LTBP1: variants seen among roughly 807,000 people sequenced by gnomAD.
The protein encoded by LTBP1 is latent transforming growth factor beta binding protein 1.
In LTBP1, 129 loss-of-function variants were observed where a neutral mutation model predicts 207.6. The ratio of observed to expected loss-of-function variants is 0.62; its 90% CI spans 0.54 to 0.72. The LOEUF (loss-of-function observed/expected upper bound fraction) is 0.72. LTBP1 is among the 30% of genes least tolerant of loss of function. The pLI, the probability that LTBP1 is intolerant of heterozygous loss-of-function variation, is 0.00. For synonymous variants in LTBP1, 963 were observed against 833.7 expected (o/e 1.16, Z -2.67); for missense variants, 2,281 against 2,217.2 (o/e 1.03, Z -0.58).
chr2:33,093,742 G>A (rs923828243), intron 3 of LTBP1, among the ~76,000 whole-genome samples: 3 of 151,988 alleles, frequency 2.0e-5, no homozygotes, highest in Non-Finnish European at 2.9e-5. Context: ...TGAAGCTACA[G>A]TTATCAGAAG....
At chr2:32,958,407 C>A (rs887515552) in intron 2 of LTBP1, among the ~76,000 whole-genome samples, 1 of 152,172 alleles carries the variant, frequency 6.6e-6, no homozygotes, top group African/African-American at 2.4e-5. Flanking sequence ...CTTCTAAGAT[C>A]CTTGGGGGCT....
In LTBP1 at chr2:33,134,835, G is replaced by A. The variant is rs1380593143; in HGVS notation, c.1076G>A (p.Ser359Asn). The change falls in exon 5 of 34, where the codon AGC becomes AAC. Residue 359 changes from serine to asparagine, a missense_variant. Physicochemically the swap from Ser to Asn is conservative, Grantham distance 46 (BLOSUM62 1). This residue lies in a region of LTBP1 where 55 missense variants were observed against 91.5 expected (regional missense o/e 0.60). Coordinates refer to ENST00000404816, the MANE Select transcript of LTBP1 (RefSeq NM_206943.4). This position sits in a 1 kb window ranked among gnomAD's most constrained non-coding sequence, Gnocchi z 4.4. ...CGCATCAAGGTGGTCTTTACTCCGA[G>A]CATCTGTAAAGTGACCTGCACCAAG... ...TGRIKVVFTPSICKVTCTKGS... is the reference protein window; with the variant it reads ...TGRIKVVFTPNICKVTCTKGS... The A allele has an allele frequency of 4.3e-6, 7 of 1,614,026 alleles. No individual in the cohort carries two copies. Among genetic ancestry groups the A allele is most frequent in the Non-Finnish European group, 5.1e-6 (6 of 1,180,044 alleles).
intron 3 of LTBP1, among the ~76,000 whole-genome samples, chr2:33,054,133 C>G (rs919119285): frequency 6.6e-6 from 1 of 152,112 alleles, no homozygotes; most frequent in Non-Finnish European, 1.5e-5. Context: ...TTTGAGAGAC[C>G]AGGGTATAGG....
rs560938546 is a variant in LTBP1 at position 33,277,807 on chromosome 2, T to C, written c.2992+1884T>C. Among the ~76,000 whole-genome samples, 248 of 108,416 alleles carry C rather than the reference T, an allele frequency of 2.3e-3. 2 individuals are homozygous for C. The highest frequency in any genetic ancestry group is 3.2e-3 in the Admixed American group (33 of 10,184). 71.1% of individuals were successfully genotyped at this position (108,416 alleles called of 152,430 possible). A position where few individuals can be genotyped will look rare whatever the true frequency, so the allele number is the denominator to read the frequency against. On this transcript the variant is annotated intron_variant, in intron 18 of 33. Coordinates refer to ENST00000404816, the MANE Select transcript of LTBP1 (RefSeq NM_206943.4). ...TTTCTTTCTTTCTTTCTCTCTCTCT[T>C]TCTTTTTTTCTTTCTTTCTTTCTTT... is the stretch of plus-strand genomic sequence containing the variant.
intron 18 of LTBP1, among the ~76,000 whole-genome samples, chr2:33,278,874 A>G (rs2093500645): frequency 6.6e-6 from 1 of 152,240 alleles, no homozygotes; most frequent in Admixed American, 6.5e-5. Context: ...ACTGATAGAA[A>G]AAAAATTACA....
chr2:33,208,117 T>C (rs114661058), intron 7 of LTBP1, among the ~76,000 whole-genome samples: 105 of 152,364 alleles, frequency 6.9e-4, no homozygotes, highest in Non-Finnish European at 1.3e-3. Context: ...GTATTGATGG[T>C]GTAGCTTTTG....
At chr2:33,250,865 G>C (rs561060002) in intron 10 of LTBP1, among the ~76,000 whole-genome samples, 2 of 152,168 alleles carry the variant, frequency 1.3e-5, no homozygotes, top group Non-Finnish European at 2.9e-5. Context: ...CCACCTGTGG[G>C]CCTGGGGACT....
Position 33,268,756 on chromosome 2 carries a change from G to A in LTBP1, c.2618-4900G>A, listed in dbSNP as rs113954757. Among the ~76,000 whole-genome samples the A allele has an allele frequency of 1.4e-3, 206 of 152,294 alleles. 1 individual carries two copies. Among genetic ancestry groups the A allele is most frequent in the African/African-American group, 4.7e-3 (194 of 41,568 alleles). ...TGGGACAATCTATGCTCACTGTGGG[G>A]CAGTTAGGAAGCCAGGGCATTTTTG... On this transcript the variant is annotated intron_variant, in intron 15 of 33. Transcript: ENST00000404816.
At chr2:33,235,697 T>G (rs944099329) in intron 9 of LTBP1, among the ~76,000 whole-genome samples, 3 of 152,158 alleles carry the variant, frequency 2.0e-5, no homozygotes, top group Non-Finnish European at 4.4e-5. Context: ...ATGTGGCACA[T>G]ATACACCATG....
chr2:32,994,458 T>C (rs1418366792), intron 2 of LTBP1, among the ~76,000 whole-genome samples: 2 of 151,856 alleles, frequency 1.3e-5, no homozygotes, highest in Admixed American at 6.6e-5. Context: ...GCTTATCTAA[T>C]ATTAGTGAGT....
chr2:33,009,906 G>C (rs1687433371), intron 2 of LTBP1, among the ~76,000 whole-genome samples: 1 of 152,180 alleles, frequency 6.6e-6, no homozygotes, highest in Non-Finnish European at 1.5e-5. Context: ...TGGAAATCTG[G>C]AGTTCCAATA....
intron 3 of LTBP1, among the ~76,000 whole-genome samples, chr2:33,038,236 T>A (rs1021578207): frequency 1.3e-5 from 2 of 152,260 alleles, no homozygotes; most frequent in Admixed American, 6.5e-5. Context: ...TGCTGTTGCT[T>A]GTTTTCGTGT....
At chr2:32,972,448 C>T (rs375342355) in intron 2 of LTBP1, among the ~76,000 whole-genome samples, 1 of 152,072 alleles carries the variant, frequency 6.6e-6, no homozygotes, top group Non-Finnish European at 1.5e-5. Context: ...AAACTTTCAT[C>T]TTAACACTGC....
chr2:33,257,286 G>T lies in LTBP1; in HGVS notation c.2170G>T (p.Ala724Ser). Residue 724 changes from alanine to serine, a missense_variant and splice_region_variant, in exon 12 of 34, where the codon GCT becomes TCT. Coordinates refer to ENST00000404816, the MANE Select transcript of LTBP1 (RefSeq NM_206943.4). ...CEKCPLPGTA[A>S]FKEICPGGMG... is the part of the protein sequence containing the mutation. ...ATATTTTCCCATCCCAAATCTAGCTGCTTTTAAGGAAATCTGTCCTGGTGG... is the reference window on the plus strand; with the variant it reads ...ATATTTTCCCATCCCAAATCTAGCTTCTTTTAAGGAAATCTGTCCTGGTGG... The T allele has an allele frequency of 6.2e-7, 1 of 1,611,436 alleles. No homozygotes were observed. The highest frequency in any genetic ancestry group is 1.1e-5 in the South Asian group (1 of 91,042).
Position 33,286,317 on chromosome 2 carries a change from C to G in LTBP1, c.3112+6159C>G, listed in dbSNP as rs149775602. Reference sequence around the variant, plus strand: ...GATTAGCTACAGTCTTAACCAAGACCTGGCACAGAGAACTTGAAGAATAAA... The same window carrying G: ...GATTAGCTACAGTCTTAACCAAGACGTGGCACAGAGAACTTGAAGAATAAA... On this transcript the variant is annotated intron_variant, in intron 19 of 33. Coordinates refer to ENST00000404816, the MANE Select transcript of LTBP1 (RefSeq NM_206943.4). 2.7e-3 allele frequency among the ~76,000 whole-genome samples: 406 copies of G among 152,284 alleles called. 1 individual carries two copies. The highest frequency in any genetic ancestry group is 9.2e-3 in the African/African-American group (384 of 41,564).
At chr2:33,243,056 A>G (rs1054435529) in intron 9 of LTBP1, among the ~76,000 whole-genome samples, 1 of 152,178 alleles carries the variant, frequency 6.6e-6, no homozygotes, top group African/African-American at 2.4e-5. Flanking sequence ...CTCAAGCTCC[A>G]GGGTTTCCCA....
chr2:33,048,637 G>A (rs2076569745), intron 3 of LTBP1, among the ~76,000 whole-genome samples: 1 of 152,204 alleles, frequency 6.6e-6, no homozygotes. Context: ...GGTCCTTCCT[G>A]TGGTCCAGAT....
intron 5 of LTBP1, among the ~76,000 whole-genome samples, chr2:33,164,833 C>A (rs529228091): frequency 5.9e-5 from 9 of 152,150 alleles, no homozygotes; most frequent in Non-Finnish European, 8.8e-5. Flanking sequence ...AGATACATAC[C>A]TTTGAAGTTT....
At chr2:33,069,872 G>A (rs558349019) in intron 3 of LTBP1, among the ~76,000 whole-genome samples, 3 of 152,350 alleles carry the variant, frequency 2.0e-5, no homozygotes, top group African/African-American at 7.2e-5. Flanking sequence ...TCCCCGAAGA[G>A]CTCTCAACAG....
Sources: allele counts gnomAD v4.1 joint callset (sites outside exome capture counted in the v4.1 genomes callset), GRCh38; gene constraint gnomAD v4.1.1; regional missense constraint gnomAD v4.1.1; non-coding constraint Gnocchi (gnomAD v3.1); transcripts MANE v1.5; gene names NCBI Gene and HGNC (gene_info 2026-07-23, HGNC 2026-07-21).